PTPRD: variants seen among roughly 807,000 people sequenced by gnomAD.
PTPRD encodes protein tyrosine phosphatase receptor type D.
A neutral mutation model predicts 214.5 loss-of-function variants in PTPRD; 34 were observed. The ratio of observed to expected loss-of-function variants is 0.16; its 90% CI spans 0.12 to 0.21. The LOEUF (loss-of-function observed/expected upper bound fraction) is 0.21. Among genes scored for constraint, PTPRD ranks in the 10% least tolerant of loss-of-function variants. The probability of loss-of-function intolerance (pLI) is 1.00; values close to 1 mark genes in which losing one functional copy is unlikely to be tolerated. For synonymous variants in PTPRD, 1,128 were observed against 845.7 expected, an observed-to-expected ratio of 1.33 and a Z score of -5.79; for missense variants, 2,545 against 2,398.7, an observed-to-expected ratio of 1.06 and a Z score of -1.27.
intron 7 of PTPRD, among the ~76,000 whole-genome samples, chr9:9,702,255 AT>A (rs1341268674): frequency 6.6e-6 from 1 of 152,234 alleles, no homozygotes; most frequent in African/African-American, 2.4e-5. Context: ...GAGAGGGTGC[AT>A]AAAACAGTGT....
intron 11 of PTPRD, among the ~76,000 whole-genome samples, chr9:8,953,934 G>A (rs1487660242): frequency 6.6e-6 from 1 of 151,876 alleles, no homozygotes; most frequent in African/African-American, 2.4e-5. Flanking sequence ...AAGCAGTTTG[G>A]GGATTTCTTA....
chr9:10,503,191 T>C (rs1310880879), intron 2 of PTPRD, among the ~76,000 whole-genome samples: 1 of 1,686 alleles, frequency 5.9e-4, no homozygotes. Flanking sequence ...ACAGCTGCAA[T>C]ACAAAAAAAA....
intron 11 of PTPRD, among the ~76,000 whole-genome samples, chr9:9,011,322 C>T (rs1259250570): frequency 1.3e-5 from 2 of 152,028 alleles, no homozygotes; most frequent in Non-Finnish European, 2.9e-5. Flanking sequence ...AAGCCTGGAG[C>T]TTTTCATTTA....
intron 9 of PTPRD, among the ~76,000 whole-genome samples, chr9:9,369,810 G>C (rs1306875849): frequency 6.6e-6 from 1 of 152,146 alleles, no homozygotes; most frequent in Non-Finnish European, 1.5e-5. Context: ...AAGGGATCCA[G>C]TTTCAGCTTT....
intron 11 of PTPRD, among the ~76,000 whole-genome samples, chr9:8,922,418 A>G (rs1342108414): frequency 6.6e-6 from 1 of 152,196 alleles, no homozygotes; most frequent in Non-Finnish European, 1.5e-5. Context: ...CCATTACTCC[A>G]TGGTCGTATC....
chr9:9,097,292 T>A (rs947629076), intron 10 of PTPRD, among the ~76,000 whole-genome samples: 1 of 152,090 alleles, frequency 6.6e-6, no homozygotes, highest in Non-Finnish European at 1.5e-5. Context: ...GAGATTCTGG[T>A]TGGGGCCTAA....
At chr9:9,323,818 T>A (rs1968064566) in intron 9 of PTPRD, among the ~76,000 whole-genome samples, 1 of 152,152 alleles carries the variant, frequency 6.6e-6, no homozygotes. Flanking sequence ...ATTAGGTATT[T>A]CTCCTAATGC....
intron 5 of PTPRD, among the ~76,000 whole-genome samples, chr9:9,931,819 A>C (rs904682160): frequency 6.6e-6 from 1 of 151,106 alleles, no homozygotes; most frequent in African/African-American, 2.4e-5. Flanking sequence ...GCAGACTTAA[A>C]TGTCCCTGTC....
At chr9:10,605,867 ATAT>A (rs2079182787) in intron 2 of PTPRD, among the ~76,000 whole-genome samples, 3 of 151,958 alleles carry the variant, frequency 2.0e-5, no homozygotes, top group South Asian at 2.1e-4. Flanking sequence ...GGACTAGATA[ATAT>A]TATATGATTT....
At chr9:10,293,705 A>G (rs2154401822) in intron 3 of PTPRD, among the ~76,000 whole-genome samples, 1 of 152,010 alleles carries the variant, frequency 6.6e-6, no homozygotes, top group South Asian at 2.1e-4. Flanking sequence ...GTTTGGGAAA[A>G]TTCACTGTTA....
chr9:8,588,130 G>A (rs1017981195), intron 14 of PTPRD, among the ~76,000 whole-genome samples: 3 of 152,194 alleles, frequency 2.0e-5, no homozygotes, highest in Admixed American at 2.0e-4. Flanking sequence ...CTACCCATGA[G>A]AGCGAAAGCC....
At chr9:9,267,217 G>C (rs1485261949) in intron 9 of PTPRD, among the ~76,000 whole-genome samples, 1 of 151,066 alleles carries the variant, frequency 6.6e-6, no homozygotes, top group African/African-American at 2.4e-5. Flanking sequence ...AATCAGAAAT[G>C]AAAGAAGAGA....
chr9:8,732,986 C>G (rs1280533390), intron 12 of PTPRD, among the ~76,000 whole-genome samples: 1 of 152,158 alleles, frequency 6.6e-6, no homozygotes, highest in African/African-American at 2.4e-5. Flanking sequence ...CAAGGAACCA[C>G]ACATGTCAGG....
chr9:8,608,967 A>T (rs959367502), intron 14 of PTPRD, among the ~76,000 whole-genome samples: 1 of 152,196 alleles, frequency 6.6e-6, no homozygotes, highest in Non-Finnish European at 1.5e-5. Flanking sequence ...AGAAGCAACC[A>T]GGTGAAAAAC....
chr9:9,873,710 T>G (rs1403163099), intron 5 of PTPRD, among the ~76,000 whole-genome samples: 3 of 152,188 alleles, frequency 2.0e-5, no homozygotes, highest in African/African-American at 7.2e-5. Flanking sequence ...CAAACTGAGA[T>G]AATAAATGAG....
chr9:10,579,243 T>C (rs1384224709), intron 2 of PTPRD, among the ~76,000 whole-genome samples: 3 of 152,128 alleles, frequency 2.0e-5, no homozygotes, highest in Non-Finnish European at 4.4e-5. Flanking sequence ...ACATCACATG[T>C]TCTCATCCAA....
intron 7 of PTPRD, among the ~76,000 whole-genome samples, chr9:9,591,098 C>G (rs1323720235): frequency 2.0e-5 from 3 of 151,928 alleles, no homozygotes; most frequent in Non-Finnish European, 4.4e-5. Flanking sequence ...GACTATGGAC[C>G]TTAAAATAGG....
At chr9:9,610,450 G>A (rs1219876892) in intron 7 of PTPRD, among the ~76,000 whole-genome samples, 1 of 152,152 alleles carries the variant, frequency 6.6e-6, no homozygotes, top group East Asian at 1.9e-4. Context: ...GCTAAATCAT[G>A]CTAGGGTAAC....
chr9:10,410,603 A>G (rs1349309135), intron 2 of PTPRD, among the ~76,000 whole-genome samples: 1 of 151,716 alleles, frequency 6.6e-6, no homozygotes, highest in African/African-American at 2.4e-5. Context: ...TTCTTACATC[A>G]AATCTATTTA....
Sources: allele counts gnomAD v4.1 joint callset (sites outside exome capture counted in the v4.1 genomes callset), GRCh38; gene constraint gnomAD v4.1.1; transcripts MANE v1.5; gene names NCBI Gene and HGNC (gene_info 2026-07-23, HGNC 2026-07-21).